KAZN: variants seen among roughly 807,000 people sequenced by gnomAD.
KAZN encodes kazrin, periplakin interacting protein.
A neutral mutation model predicts 87.4 loss-of-function variants in KAZN; 40 were observed. The observed-to-expected ratio is 0.46, with a 90% CI of 0.36 to 0.60. The LOEUF (loss-of-function observed/expected upper bound fraction) is 0.60, where lower values mean the gene tolerates loss of function less well. Ranked by LOEUF, KAZN falls within the 20% of genes least tolerant of loss-of-function variation. The probability of loss-of-function intolerance (pLI) is 0.00; values close to 1 mark genes in which losing one functional copy is unlikely to be tolerated. For synonymous variants in KAZN, 466 were observed against 458.3 expected (o/e 1.02, Z -0.22); for missense variants, 898 against 1,073.9 (o/e 0.84, Z 2.29).
At chr1:14,925,001 G>C (rs936484012) in intron 1 of KAZN, among the ~76,000 whole-genome samples, 1 of 152,242 alleles carries the variant, frequency 6.6e-6, no homozygotes, top group South Asian at 2.1e-4. Context: ...CCGCCCCTCC[G>C]AGGCGAAATT....
At chr1:14,183,272 A>C (rs988599495) in intron 2 of KAZN, among the ~76,000 whole-genome samples, 1 of 152,176 alleles carries the variant, frequency 6.6e-6, no homozygotes, top group African/African-American at 2.4e-5. Context: ...CCCAAGTATA[A>C]TGGGGAAGCC....
intron 2 of KAZN, among the ~76,000 whole-genome samples, chr1:15,029,185 G>A (rs1671442906): frequency 6.6e-6 from 1 of 152,160 alleles, no homozygotes; most frequent in Admixed American, 6.5e-5. Context: ...AAACAGAATT[G>A]GAGCATCATG....
intron 1 of KAZN, among the ~76,000 whole-genome samples, chr1:14,060,658 G>C (rs1444477643): frequency 6.6e-6 from 1 of 152,154 alleles, no homozygotes; most frequent in Non-Finnish European, 1.5e-5. Flanking sequence ...CTGTGACAAT[G>C]GTCCTGAGAG....
intron 2 of KAZN, among the ~76,000 whole-genome samples, chr1:14,270,245 G>A (rs1186478265): frequency 6.6e-6 from 1 of 152,202 alleles, no homozygotes; most frequent in Non-Finnish European, 1.5e-5. Flanking sequence ...TCCAGCCTTG[G>A]ATCTACGGCA....
At chr1:14,643,025 C>T (rs1269491123) in intron 1 of KAZN, among the ~76,000 whole-genome samples, 3 of 152,148 alleles carry the variant, frequency 2.0e-5, no homozygotes, top group African/African-American at 7.2e-5. Context: ...GTACATAAAC[C>T]CCTGTGTTCA....
At chr1:14,845,451 AGGTGGATGGATGACTGAGT>A (rs1648625344) in intron 1 of KAZN, among the ~76,000 whole-genome samples, 1 of 147,606 alleles carries the variant, frequency 6.8e-6, no homozygotes, top group East Asian at 2.1e-4. Context: ...ATGAGTAAAT[AGGTGGATGGATGACTGAGT>A]GGTGGATGGA....
At chr1:13,991,672 A>G (rs952478985) in intron 1 of KAZN, among the ~76,000 whole-genome samples, 4 of 152,156 alleles carry the variant, frequency 2.6e-5, no homozygotes, top group Admixed American at 6.5e-5. Flanking sequence ...AAATTCTGGA[A>G]CAAGTAATAA....
chr1:14,860,240 A>G (rs549280089), intron 1 of KAZN, among the ~76,000 whole-genome samples: 153 of 151,110 alleles, frequency 1.0e-3, no homozygotes, highest in Middle Eastern at 3.4e-3. Context: ...TGCCCAGGCT[A>G]GAGTGCAGTG....
At chr1:14,391,780 T>TG (rs1206327005) in intron 2 of KAZN, among the ~76,000 whole-genome samples, 2 of 152,234 alleles carry the variant, frequency 1.3e-5, no homozygotes, top group African/African-American at 4.8e-5. Flanking sequence ...CTCTTTGTGC[T>TG]GGGGGCAGGG....
intron 1 of KAZN, among the ~76,000 whole-genome samples, chr1:14,826,818 C>G (rs1178509687): frequency 2.0e-5 from 3 of 152,158 alleles, no homozygotes; most frequent in Non-Finnish European, 2.9e-5. Flanking sequence ...AGAATTCAGG[C>G]CGCCTTTGCT....
intron 1 of KAZN, among the ~76,000 whole-genome samples, chr1:14,632,887 C>G (rs536922961): frequency 6.6e-6 from 1 of 151,472 alleles, no homozygotes; most frequent in Non-Finnish European, 1.5e-5. Context: ...TGTAGACACT[C>G]TCCTGTTTGG....
At chr1:14,256,807 T>C (rs1650552350) in intron 2 of KAZN, among the ~76,000 whole-genome samples, 1 of 152,178 alleles carries the variant, frequency 6.6e-6, no homozygotes, top group Non-Finnish European at 1.5e-5. Flanking sequence ...CTAAATTTAC[T>C]CTCCCCATGA....
intron 1 of KAZN, among the ~76,000 whole-genome samples, chr1:14,774,145 C>T (rs1422599654): frequency 6.6e-6 from 1 of 151,284 alleles, no homozygotes; most frequent in African/African-American, 2.4e-5. Flanking sequence ...TCTTTCTCTT[C>T]TCTCTCACCC....
intron 1 of KAZN, among the ~76,000 whole-genome samples, chr1:14,752,916 G>T (rs1489459993): frequency 1.3e-5 from 2 of 152,228 alleles, no homozygotes; most frequent in Non-Finnish European, 2.9e-5. Flanking sequence ...GCCCAGCTGT[G>T]CATTTGGACC....
chr1:14,339,904 T>G (rs530926657), intron 2 of KAZN, among the ~76,000 whole-genome samples: 36 of 152,294 alleles, frequency 2.4e-4, no homozygotes, highest in Admixed American at 4.6e-4. Flanking sequence ...CCTTAAGGGC[T>G]TAACTTGTAT....
intron 1 of KAZN, among the ~76,000 whole-genome samples, chr1:14,127,452 G>A (rs1160295554): frequency 6.7e-6 from 1 of 148,380 alleles, no homozygotes; most frequent in Admixed American, 6.8e-5. Flanking sequence ...AAAAATAAAG[G>A]TTCACCTAAC....
At chr1:14,658,436 TCCTTC>T (rs1267291352) in intron 1 of KAZN, among the ~76,000 whole-genome samples, 1 of 152,148 alleles carries the variant, frequency 6.6e-6, no homozygotes, top group East Asian at 1.9e-4. Flanking sequence ...GGAGTAAAAT[TCCTTC>T]CCTGTAGGAA....
chr1:14,718,604 A>G (rs1557913174), intron 1 of KAZN, among the ~76,000 whole-genome samples: 1 of 152,268 alleles, frequency 6.6e-6, no homozygotes, highest in South Asian at 2.1e-4. Flanking sequence ...TGCAGCCGCT[A>G]AGCTGACTGT....
chr1:13,982,627 G>C lies in KAZN; in HGVS notation c.91+88871G>C, dbSNP rs556366303. Reference sequence around the variant, plus strand: ...CCACATCCTGCTGATTGGTAGAGCCGAGTGGTCTGTTTTGACAGGGCGCTG... The same window carrying C: ...CCACATCCTGCTGATTGGTAGAGCCCAGTGGTCTGTTTTGACAGGGCGCTG... On this transcript the variant is annotated intron_variant, in intron 1 of 16. Transcript: ENST00000636203. 5.8e-3 allele frequency among the ~76,000 whole-genome samples: 880 copies of C among 152,300 alleles called. 7 individuals carry two copies. The highest frequency in any genetic ancestry group is 0.012 in the South Asian group (59 of 4,832).
Sources: gnomAD v4.1 joint callset for allele counts (sites outside exome capture counted in the v4.1 genomes callset) on GRCh38, gnomAD v4.1.1 for gene constraint, MANE v1.5 for transcripts, NCBI Gene and HGNC (gene_info 2026-07-23, HGNC 2026-07-21) for gene names.